MBD3: variants seen among roughly 807,000 people sequenced by gnomAD.
The protein encoded by MBD3 is methyl-CpG-binding domain protein 3.
MBD3 carries 13 observed loss-of-function variants against 31.2 expected under a neutral mutation model. That is an observed-to-expected ratio of 0.42 (90% CI 0.27 to 0.66). The LOEUF is 0.66. Ranked by LOEUF, MBD3 falls within the 30% of genes least tolerant of loss-of-function variation. The pLI is 0.26. For missense variants in MBD3, 440 were observed against 426.5 expected (o/e 1.03, Z -0.28); for synonymous variants, 223 against 187.4 (o/e 1.19, Z -1.55).
chr19:1,582,806 T>C, intron 3 of MBD3, 94 bp from the exon 4 acceptor site: 9 of 1,110,210 alleles, frequency 8.1e-6, no homozygotes, highest in Middle Eastern at 1.9e-4. Context: ...CCTGGCCTCC[T>C]TGCCCCATGT....
chr19:1,584,717 CCGGCGGCG>C (rs1568276147), intron 2 of MBD3, 40 bp from the exon 3 acceptor site: 3 of 1,595,552 alleles, frequency 1.9e-6, no homozygotes, highest in Non-Finnish European at 2.6e-6. Flanking sequence ...TGGGGGCGCC[CCGGCGGCG>C]CGGAGCCTCA....
rs904038052 is a variant in MBD3 at position 1,575,608 on chromosome 19, C to G, written c.*2556G>C. 2 of 170,798 alleles carry G rather than the reference C, an allele frequency of 1.2e-5. No homozygotes were observed. The highest frequency in any genetic ancestry group is 4.8e-5 in the African/African-American group (2 of 41,312). The allele number at this position is 170,798 out of a possible 1,614,324, so 10.6% of individuals were successfully genotyped here. A position where few individuals can be genotyped will look rare whatever the true frequency, so the allele number is the denominator to read the frequency against. On this transcript the variant is annotated 3_prime_UTR_variant, in exon 7 of 7. Coordinates refer to ENST00000434436, the MANE Select transcript of MBD3 (RefSeq NM_001281453.2). ...TGGGTTCTGGGGCTGGAGTGTGGAGCCTCGGTGCGCCCAGGGGGTTCAGCC... is the reference window on the plus strand; with the variant it reads ...TGGGTTCTGGGGCTGGAGTGTGGAGGCTCGGTGCGCCCAGGGGGTTCAGCC...
chr19:1,581,622 G>A (rs1021801536), intron 4 of MBD3: 2 of 373,722 alleles, frequency 5.4e-6, no homozygotes, highest in Non-Finnish European at 1.0e-5. Context: ...CTGCATACCT[G>A]TGGTCCCAGC....
At chr19:1,583,654 C>T (rs1021636889) in intron 3 of MBD3, among the ~76,000 whole-genome samples, 1 of 151,832 alleles carries the variant, frequency 6.6e-6, no homozygotes, top group Admixed American at 6.6e-5. Context: ...GGCCAGGAGC[C>T]TGAGACCAGC....
In MBD3 at chr19:1,585,161, C is replaced by A; in HGVS notation, c.164G>T (p.Gly55Val). The A allele has an allele frequency of 6.2e-7, 1 of 1,609,768 alleles. No individual in the cohort carries two copies. Among genetic ancestry groups the A allele is most frequent in the Non-Finnish European group, 8.5e-7 (1 of 1,179,406 alleles). ...SKPQLARYLG[G>V]SMDLSTFDFR... ...GTCGAAGGTGCTCAGGTCCATGGAG[C>A]CGCCCAGGTAGCGCGCCAGCTGCGG... Residue 55 changes from glycine to valine, a missense_variant, in exon 2 of 7, where the codon GGC (glycine) becomes GTC (valine). This residue lies in a region of MBD3 where 179 missense variants were observed against 134.7 expected (regional missense o/e 1.33). Transcript: ENST00000434436. This position sits in a 1 kb window ranked among gnomAD's most constrained non-coding sequence, Gnocchi z 4.1.
chr19:1,590,713 T>C (rs2145611596), intron 1 of MBD3, among the ~76,000 whole-genome samples: 1 of 152,310 alleles, frequency 6.6e-6, no homozygotes, highest in African/African-American at 2.4e-5. Flanking sequence ...TCCCTGAGAT[T>C]TTATTCAATG....
chr19:1,583,373 G>A (rs1302281664), intron 3 of MBD3: 1 of 118,416 alleles, frequency 8.4e-6, no homozygotes, highest in Admixed American at 1.0e-4. Flanking sequence ...GGGTGACAGA[G>A]CGAGACTCTG....
rs116039142 is a variant in MBD3 at position 1,588,230 on chromosome 19, G to A, written c.111-3016C>T. On this transcript the variant is annotated intron_variant, in intron 1 of 6. Coordinates refer to ENST00000434436, the MANE Select transcript of MBD3 (RefSeq NM_001281453.2). Reference sequence around the variant, plus strand: ...CGCCTCAGGGAGGGCACGAGGACAAGTGCCTGGGGGTCTGAAACCACTGAG... The same window carrying A: ...CGCCTCAGGGAGGGCACGAGGACAAATGCCTGGGGGTCTGAAACCACTGAG... Among the ~76,000 whole-genome samples, 1,005 of 152,336 alleles carry A rather than the reference G, an allele frequency of 6.6e-3. 17 individuals carry two copies. Among genetic ancestry groups the A allele is most frequent in the African/African-American group, 0.023 (948 of 41,570 alleles).
At position 1,582,056 on chromosome 19, in the gene MBD3, T is replaced by C. The variant is rs111813354; in HGVS notation, c.499+566A>G. The stretch of plus-strand genomic sequence containing the variant: ...TGTTGGGATTACAGGCGTGAGCCAC[T>C]GCACCTGGCCTTGCTCTGTATTTTC... On this transcript the variant is annotated intron_variant, in intron 4 of 6. Transcript: ENST00000434436. Among the ~76,000 whole-genome samples the C allele has an allele frequency of 8.9e-4, 135 of 152,238 alleles. 1 individual carries two copies. The highest frequency in any genetic ancestry group is 2.3e-3 in the African/African-American group (95 of 41,560).
At chr19:1,579,940 T>C (rs1252477130) in intron 5 of MBD3, among the ~76,000 whole-genome samples, 1 of 152,198 alleles carries the variant, frequency 6.6e-6, no homozygotes, top group Non-Finnish European at 1.5e-5. Flanking sequence ...TTATTTTTAG[T>C]GGAGACGGGG....
At chr19:1,579,839 A>C (rs1268371387) in intron 5 of MBD3, among the ~76,000 whole-genome samples, 1 of 151,464 alleles carries the variant, frequency 6.6e-6, no homozygotes, top group African/African-American at 2.4e-5. Context: ...CAGGATCTCA[A>C]CTCCGCCTCC....
In MBD3 at chr19:1,584,745, G is replaced by A. The variant is rs919477940; in HGVS notation, c.271-68C>T. 43 of 1,509,058 alleles carry A rather than the reference G, an allele frequency of 2.8e-5. No individual in the cohort carries two copies. The African/African-American group carries it at 5.1e-4, about 18-fold the overall frequency. The allele number at this position is 1,509,058 out of a possible 1,614,324, so 93.5% of individuals were successfully genotyped here. On this transcript the variant is annotated intron_variant, in intron 2 of 6. Transcript: ENST00000434436. ...GCGGCGCGGAGCCTCAGGGGGTGCG[G>A]GGCCCGGGTGACCCCCTGCTTTGCC...
intron 1 of MBD3, chr19:1,591,908 G>A (rs1481278166): frequency 6.6e-6 from 1 of 152,116 alleles, no homozygotes; most frequent in African/African-American, 2.4e-5. Flanking sequence ...TCGGAAAGTC[G>A]AAAGCCTCAG....
At chr19:1,582,906 T>G (rs1248817955) in intron 3 of MBD3, among the ~76,000 whole-genome samples, 194 bp from the exon 4 acceptor site, 1 of 152,014 alleles carries the variant, frequency 6.6e-6, no homozygotes, top group Non-Finnish European at 1.5e-5. Flanking sequence ...TGGACGTTTG[T>G]AAATAAGAAT....
intron 1 of MBD3, among the ~76,000 whole-genome samples, chr19:1,589,103 GGGCCAATCAC>G (rs2060692229): frequency 6.6e-6 from 1 of 152,054 alleles, no homozygotes; most frequent in Non-Finnish European, 1.5e-5. Context: ...AAGCAAAGGA[GGGCCAATCAC>G]CTGAGATCAG....
In MBD3 at chr19:1,575,010, G is replaced by C. The variant is rs930992907; in HGVS notation, c.*3154C>G. 5 of 359,430 alleles carry C rather than the reference G, an allele frequency of 1.4e-5. No individual in the cohort carries two copies. Among genetic ancestry groups the C allele is most frequent in the African/African-American group, 1.1e-4 (5 of 46,494 alleles). The allele number at this position is 359,430 out of a possible 1,614,324, so 22.3% of individuals were successfully genotyped here. ...TGTGGTCCGTGTGGCTGGGCCGAGGGCTGGGAGGTGCATCCTCGCCACGGG... is the reference window on the plus strand; with the variant it reads ...TGTGGTCCGTGTGGCTGGGCCGAGGCCTGGGAGGTGCATCCTCGCCACGGG... On this transcript the variant is annotated 3_prime_UTR_variant, in exon 7 of 7. Coordinates refer to ENST00000434436, the MANE Select transcript of MBD3 (RefSeq NM_001281453.2).
chr19:1,574,859 G>A lies in MBD3; in HGVS notation c.*3305C>T. Reference sequence around the variant, plus strand: ...GATCTTTGCGGTGGCGAGTGTGTGCGGTGGTCAGAAGGGCTGTCCCTGTCT... The same window carrying A: ...GATCTTTGCGGTGGCGAGTGTGTGCAGTGGTCAGAAGGGCTGTCCCTGTCT... On this transcript the variant is annotated 3_prime_UTR_variant, in exon 7 of 7. Transcript: ENST00000434436. 8.9e-6 allele frequency: 2 copies of A among 224,784 alleles called. No individual in the cohort carries two copies. Among genetic ancestry groups the A allele is most frequent in the Non-Finnish European group, 1.9e-5 (2 of 107,530 alleles). 13.9% of individuals were successfully genotyped at this position (224,784 alleles called of 1,614,324 possible).
chr19:1,574,831 G>A lies in MBD3; in HGVS notation c.*3333C>T, dbSNP rs1342856544. 5 of 189,356 alleles carry A rather than the reference G, an allele frequency of 2.6e-5. No individual in the cohort carries two copies. The highest frequency in any genetic ancestry group is 2.2e-4 in the South Asian group (3 of 13,440). 11.7% of individuals were successfully genotyped at this position (189,356 alleles called of 1,614,324 possible). On this transcript the variant is annotated 3_prime_UTR_variant, in exon 7 of 7. Transcript: ENST00000434436. The stretch of plus-strand genomic sequence containing the variant: ...ACACACACAGGCGAGGGGCATCCCC[G>A]GGGATCTTTGCGGTGGCGAGTGTGT...
chr19:1,585,322 C>G lies in MBD3; in HGVS notation c.111-108G>C. On this transcript the variant is annotated intron_variant, in intron 1 of 6. Transcript: ENST00000434436. This position sits in a 1 kb window ranked among gnomAD's most constrained non-coding sequence, Gnocchi z 4.1. ...CCAGCCCCAGCTTCAGGTCGCGACC[C>G]CAGCCCCAGACCCCAACACGGCCCT... 1.5e-6 allele frequency: 2 copies of G among 1,293,522 alleles called. No individual in the cohort carries two copies. Among genetic ancestry groups the G allele is most frequent in the African/African-American group, 1.5e-5 (1 of 68,118 alleles). The allele number at this position is 1,293,522 out of a possible 1,614,324, so 80.1% of individuals were successfully genotyped here. A position where few individuals can be genotyped will look rare whatever the true frequency, so the allele number is the denominator to read the frequency against.
Sources: gnomAD v4.1 joint callset for allele counts (sites outside exome capture counted in the v4.1 genomes callset) on GRCh38, gnomAD v4.1.1 for gene constraint, gnomAD v4.1.1 regional missense constraint, Gnocchi (gnomAD v3.1) non-coding constraint, MANE v1.5 for transcripts, NCBI Gene and HGNC (gene_info 2026-07-23, HGNC 2026-07-21) for gene names.